CAPZA2: variants seen among roughly 807,000 people sequenced by gnomAD.
CAPZA2 encodes capping actin protein of muscle Z-line subunit alpha 2.
In CAPZA2, 13 loss-of-function variants were observed where a neutral mutation model predicts 44.0. The observed-to-expected ratio is 0.30, with a 90% CI of 0.19 to 0.47. The LOEUF is 0.47. Ranked by LOEUF, CAPZA2 falls within the 20% of genes least tolerant of loss-of-function variation. CAPZA2 has a pLI of 1.00. For missense variants in CAPZA2, 244 were observed against 338.6 expected (o/e 0.72, Z 2.19); for synonymous variants, 94 against 108.2 (o/e 0.87, Z 0.81).
intron 4 of CAPZA2, among the ~76,000 whole-genome samples, chr7:116,902,083 TC>T: frequency 6.6e-6 from 1 of 152,022 alleles, no homozygotes; most frequent in Non-Finnish European, 1.5e-5. Context: ...CAGAATTTAG[TC>T]TCAGAATATA....
rs539189512 is a variant in CAPZA2 at position 116,899,867 on chromosome 7, AAG to A, written c.219+1033_219+1034del. On this transcript the variant is annotated intron_variant, in intron 4 of 9. Coordinates refer to ENST00000361183, the MANE Select transcript of CAPZA2 (RefSeq NM_006136.3). ...TTAAAACTAAAAAGATAAAACAAAA[AAG>A]GTAAACAGTATACTAACTTCACATG... 5.1e-3 allele frequency among the ~76,000 whole-genome samples: 778 copies of A among 151,890 alleles called. 7 individuals are homozygous for A. Among genetic ancestry groups the A allele is most frequent in the African/African-American group, 0.018 (733 of 41,538 alleles).
At chr7:116,880,491 G>A (rs1435414536) in intron 1 of CAPZA2, among the ~76,000 whole-genome samples, 2 of 151,198 alleles carry the variant, frequency 1.3e-5, no homozygotes, top group East Asian at 2.0e-4. Flanking sequence ...TCTGCCTCCC[G>A]GATTCAAGCA....
chr7:116,910,264 A>T lies in CAPZA2; in HGVS notation c.538A>T (p.Thr180Ser), dbSNP rs369919083. Residue 180 changes from threonine to serine, a missense_variant, in exon 7 of 10, where the codon ACA (threonine) becomes TCA (serine). Transcript: ENST00000361183. The stretch of plus-strand genomic sequence containing the variant: ...TCGTTGGAGGTCAGAATGGAAGTTT[A>T]CAATCACTCCTTCAACCACTCAAGT... ...NGRWRSEWKF[T>S]ITPSTTQVVG... 1.7e-5 allele frequency: 28 copies of T among 1,602,656 alleles called. No individual in the cohort carries two copies. In the African/African-American group the frequency reaches 3.5e-4, roughly 20 times the overall value.
intron 1 of CAPZA2, among the ~76,000 whole-genome samples, chr7:116,878,601 G>A (rs1043834056): frequency 3.3e-5 from 5 of 152,142 alleles, no homozygotes; most frequent in African/African-American, 1.2e-4. Context: ...TCTTAACTGC[G>A]CATTGCCACC....
chr7:116,891,194 C>T (rs143394204), intron 2 of CAPZA2, among the ~76,000 whole-genome samples: 1 of 152,248 alleles, frequency 6.6e-6, no homozygotes, highest in East Asian at 1.9e-4. Flanking sequence ...TTCTTCTACT[C>T]TTCTTATGAT....
chr7:116,872,201 CATTTT>C (rs1278236033), intron 1 of CAPZA2, among the ~76,000 whole-genome samples: 1 of 152,010 alleles, frequency 6.6e-6, no homozygotes, highest in Non-Finnish European at 1.5e-5. Context: ...CCTGCTATTT[CATTTT>C]AAGAATACTT....
At chr7:116,890,525 AATAT>A (rs869031070) in intron 2 of CAPZA2, among the ~76,000 whole-genome samples, 6 of 27,222 alleles carry the variant, frequency 2.2e-4, no homozygotes, top group East Asian at 1.4e-3. Context: ...AAAAAAAAAA[AATAT>A]ATATATATAT....
Position 116,906,322 on chromosome 7 carries a change from G to T in CAPZA2, c.486G>T (p.Gln162His), listed in dbSNP as rs758788134. The T allele has an allele frequency of 6.2e-7, 1 of 1,612,054 alleles. No individual in the cohort carries two copies. Among genetic ancestry groups the T allele is most frequent in the African/African-American group, 1.3e-5 (1 of 74,848 alleles). The change falls in exon 6 of 10, where the codon CAG becomes CAT. Residue 162 changes from glutamine to histidine, a missense_variant. Transcript: ENST00000361183. ...TTATTGCATGCATAGAAAGCCATCA[G>T]TTCCAAGCAAAAAATTTTTGGTAAG... Reference protein sequence around the residue: ...QTIIACIESHQFQAKNFWNGR... With the variant: ...QTIIACIESHHFQAKNFWNGR...
chr7:116,862,728 G>C (rs1796432886), intron 1 of CAPZA2, 78 bp downstream of exon 1: 5 of 1,457,244 alleles, frequency 3.4e-6, no homozygotes, highest in Admixed American at 4.3e-5. Context: ...GTCTGGTCGC[G>C]GGGGAAGGGC....
At chr7:116,904,543 G>T in intron 5 of CAPZA2, 160 bp downstream of exon 5, 1 of 576,584 alleles carries the variant, frequency 1.7e-6, no homozygotes, top group Non-Finnish European at 3.1e-6. Context: ...AAGAAATTCT[G>T]GATAATAAAT....
intron 1 of CAPZA2, among the ~76,000 whole-genome samples, chr7:116,880,776 G>A (rs1290616743): frequency 7.8e-6 from 1 of 127,664 alleles, no homozygotes; most frequent in Non-Finnish European, 1.6e-5. Context: ...GTGCAGTGGT[G>A]TGATACGGCT....
intron 5 of CAPZA2, among the ~76,000 whole-genome samples, chr7:116,905,246 T>G (rs1585012979): frequency 6.6e-6 from 1 of 152,186 alleles, no homozygotes; most frequent in South Asian, 2.1e-4. Context: ...CAGGCTTTTT[T>G]AGCACCCCCA....
rs548855983 is a variant in CAPZA2 at position 116,863,676 on chromosome 7, C to T, written c.39+1026C>T. On this transcript the variant is annotated intron_variant, in intron 1 of 9. Coordinates refer to ENST00000361183, the MANE Select transcript of CAPZA2 (RefSeq NM_006136.3). Reference sequence around the variant, plus strand: ...GGAAAGGACCCTTAGAAGTAACTGACAGAACATAGGAATGAGTTAGTTGCA... The same window carrying T: ...GGAAAGGACCCTTAGAAGTAACTGATAGAACATAGGAATGAGTTAGTTGCA... 4.3e-4 allele frequency among the ~76,000 whole-genome samples: 65 copies of T among 152,264 alleles called. 1 individual carries two copies. Among genetic ancestry groups the T allele is most frequent in the African/African-American group, 1.5e-3 (64 of 41,548 alleles).
intron 1 of CAPZA2, among the ~76,000 whole-genome samples, chr7:116,864,983 T>G (rs984271341): frequency 2.0e-5 from 3 of 152,144 alleles, no homozygotes; most frequent in Non-Finnish European, 2.9e-5. Flanking sequence ...ATACTTTATA[T>G]ATGCTTGGCT....
At chr7:116,909,265 T>G (rs1791554640) in intron 6 of CAPZA2, among the ~76,000 whole-genome samples, 1 of 152,176 alleles carries the variant, frequency 6.6e-6, no homozygotes, top group Non-Finnish European at 1.5e-5. Context: ...ACCCTGTGAC[T>G]ATTATATAAT....
At chr7:116,884,660 G>C (rs918614331) in intron 1 of CAPZA2, among the ~76,000 whole-genome samples, 1 of 151,730 alleles carries the variant, frequency 6.6e-6, no homozygotes, top group African/African-American at 2.4e-5. Flanking sequence ...TTATTTGTCT[G>C]TTCACCCATT....
chr7:116,889,711 G>T (rs1043035747), intron 2 of CAPZA2, among the ~76,000 whole-genome samples: 3 of 152,126 alleles, frequency 2.0e-5, no homozygotes, highest in Admixed American at 1.3e-4. Context: ...ACATGATTTA[G>T]TGCATACAAT....
rs1796821874 is a variant in CAPZA2, at chr7:116,890,526, ATATATATATATATAT to A, written c.103+2337_103+2351del. Reference sequence around the variant, plus strand: ...TCTCTACTTAAAAAAAAAAAAAAAAATATATATATATATATATATATATATATATATATATATATA... The same window carrying A: ...TCTCTACTTAAAAAAAAAAAAAAAAAATATATATATATATATATATATATA... On this transcript the variant is annotated intron_variant, in intron 2 of 9. Coordinates refer to ENST00000361183, the MANE Select transcript of CAPZA2 (RefSeq NM_006136.3). 2.6e-3 allele frequency among the ~76,000 whole-genome samples: 76 copies of A among 28,832 alleles called. 7 individuals are homozygous for A. Among genetic ancestry groups the A allele is most frequent in the African/African-American group, 7.2e-3 (63 of 8,754 alleles). 18.9% of individuals were successfully genotyped at this position (28,832 alleles called of 152,430 possible). A position where few individuals can be genotyped will look rare whatever the true frequency, so the allele number is the denominator to read the frequency against.
chr7:116,913,714 C>T (rs982825450), intron 8 of CAPZA2, among the ~76,000 whole-genome samples: 2 of 151,898 alleles, frequency 1.3e-5, no homozygotes, highest in Non-Finnish European at 2.9e-5. Flanking sequence ...GCCATTCTCC[C>T]AGTTGAGCCT....
Sources: allele counts gnomAD v4.1 joint callset (sites outside exome capture counted in the v4.1 genomes callset), GRCh38; gene constraint gnomAD v4.1.1; transcripts MANE v1.5; gene names NCBI Gene and HGNC (gene_info 2026-07-23, HGNC 2026-07-21).